CHODL: variants seen among roughly 807,000 people sequenced by gnomAD.
The protein encoded by CHODL is chondrolectin, also known as transmembrane protein MT75.
A neutral mutation model predicts 34.5 loss-of-function variants in CHODL; 29 were observed. The ratio of observed to expected loss-of-function variants is 0.84; its 90% CI spans 0.63 to 1.15. The LOEUF is 1.15. CHODL is among the 50% of genes most tolerant of loss of function. The pLI is 0.00. For synonymous variants in CHODL, 125 were observed against 116.1 expected (o/e 1.08, Z -0.49); for missense variants, 332 against 332.5 (o/e 1.00, Z 0.01).
intron 2 of CHODL, among the ~76,000 whole-genome samples, chr21:18,233,279 A>C (rs2073999744): frequency 6.6e-6 from 1 of 151,890 alleles, no homozygotes; most frequent in Admixed American, 6.6e-5. Flanking sequence ...CATTCTTAAG[A>C]GGTGGTTTGA....
rs139505671 is a variant in CHODL, at chr21:18,014,875, A to C, written c.-144-12997A>C. On this transcript the variant is annotated intron_variant, in intron 1 of 6. Coordinates refer to the CHODL transcript ENST00000400127. Reference sequence around the variant, plus strand: ...CAAGGCTGAGGTATTTCTTTATAACAGTGCAAAAATGGCCTAATACAGAAA... The same window carrying C: ...CAAGGCTGAGGTATTTCTTTATAACCGTGCAAAAATGGCCTAATACAGAAA... Among the ~76,000 whole-genome samples the C allele has an allele frequency of 4.9e-3, 750 of 152,348 alleles. 8 individuals are homozygous for C. The highest frequency in any genetic ancestry group is 0.038 in the East Asian group (196 of 5,190).
At chr21:18,191,711 G>A (rs1241416291) in intron 2 of CHODL, among the ~76,000 whole-genome samples, 1 of 152,166 alleles carries the variant, frequency 6.6e-6, no homozygotes, top group South Asian at 2.1e-4. Flanking sequence ...ACAGAAGTAT[G>A]AATGCTGCAA....
At chr21:17,928,641 A>T (rs1027029460) in intron 1 of CHODL, among the ~76,000 whole-genome samples, 2 of 152,200 alleles carry the variant, frequency 1.3e-5, no homozygotes, top group Non-Finnish European at 2.9e-5. Context: ...AAAAAGATGA[A>T]TTCTATAACA....
chr21:17,996,612 G>C (rs1372636761), intron 1 of CHODL, among the ~76,000 whole-genome samples: 1 of 152,172 alleles, frequency 6.6e-6, no homozygotes, highest in Admixed American at 6.5e-5. Flanking sequence ...ATCTCAGAGG[G>C]ATTTGACCTG....
At position 18,148,394 on chromosome 21, in the gene CHODL, C is replaced by T. The variant is rs1193314472; in HGVS notation, c.-44-108115C>T. ...AAAATCTCTTGGGAGTACAGCACTT[C>T]CATTTAATGTAGTTTATATGTATGA... On this transcript the variant is annotated intron_variant, in intron 2 of 6. Coordinates refer to the CHODL transcript ENST00000400127. Among the ~76,000 whole-genome samples, 4 of 151,818 alleles carry T rather than the reference C, an allele frequency of 2.6e-5. No homozygotes were observed. The East Asian group carries it at 7.7e-4, about 29-fold the overall frequency.
intron 2 of CHODL, among the ~76,000 whole-genome samples, chr21:18,153,832 A>G (rs918303975): frequency 6.6e-6 from 1 of 152,166 alleles, no homozygotes; most frequent in Admixed American, 6.5e-5. Context: ...CCTCTAAAAT[A>G]TCAGTGGCTT....
At chr21:17,936,966 CAGG>C (rs2063324308) in intron 1 of CHODL, among the ~76,000 whole-genome samples, 2 of 151,232 alleles carry the variant, frequency 1.3e-5, no homozygotes. Flanking sequence ...CCCAGCTACT[CAGG>C]AGGCTGAGGC....
intron 2 of CHODL, among the ~76,000 whole-genome samples, chr21:18,125,723 G>A (rs1222707064): frequency 6.6e-6 from 1 of 151,932 alleles, no homozygotes; most frequent in African/African-American, 2.4e-5. Context: ...AGCCTCCCAA[G>A]TAGCTGGGAT....
chr21:18,262,291 G>T (rs1184845014), intron 4 of CHODL, among the ~76,000 whole-genome samples: 1 of 152,114 alleles, frequency 6.6e-6, no homozygotes, highest in Non-Finnish European at 1.5e-5. Context: ...GACATGTTCT[G>T]AGAAATGCAC....
At position 18,233,682 on chromosome 21, in the gene CHODL, T is replaced by A. The variant is rs185802119; in HGVS notation, c.-44-22827T>A. On this transcript the variant is annotated intron_variant, in intron 2 of 6. Coordinates refer to the CHODL transcript ENST00000400127. ...GGAGCCAATATTTGGGGCCTTTTTT[T>A]AAAAAAAATAAGATAATTTGGCCTT... Among the ~76,000 whole-genome samples, 991 of 151,950 alleles carry A rather than the reference T, an allele frequency of 6.5e-3. 16 individuals carry two copies. Among genetic ancestry groups the A allele is most frequent in the Non-Finnish European group, 6.3e-3 (428 of 67,936 alleles).
chr21:18,024,335 G>A lies in CHODL; in HGVS notation c.-144-3537G>A, dbSNP rs118163781. On this transcript the variant is annotated intron_variant, in intron 1 of 6. Transcript: ENST00000400127. ...GTTATATCCTGGTATAGATAGACCC[G>A]TGGGCATAACAGTGATGGAGAAAAG... Among the ~76,000 whole-genome samples the A allele has an allele frequency of 1.7e-3, 259 of 152,218 alleles. 5 individuals are homozygous for A. In the East Asian group the frequency reaches 0.04, roughly 23 times the overall value.
At chr21:17,959,335 T>C (rs1270535735) in intron 1 of CHODL, among the ~76,000 whole-genome samples, 3 of 152,186 alleles carry the variant, frequency 2.0e-5, no homozygotes, top group African/African-American at 7.2e-5. Flanking sequence ...CCACTACGTT[T>C]TTGGTGTTTA....
At chr21:17,996,920 G>T (rs1411117640) in intron 1 of CHODL, among the ~76,000 whole-genome samples, 1 of 151,984 alleles carries the variant, frequency 6.6e-6, no homozygotes. Flanking sequence ...GATTAAACAT[G>T]ATTAGAGAAT....
At chr21:17,973,385 C>G (rs2063632528) in intron 1 of CHODL, among the ~76,000 whole-genome samples, 1 of 150,128 alleles carries the variant, frequency 6.7e-6, no homozygotes. Flanking sequence ...TTTTTGCAAT[C>G]TACTATGCAT....
At chr21:18,107,594 G>A (rs2065289051) in intron 2 of CHODL, among the ~76,000 whole-genome samples, 1 of 152,078 alleles carries the variant, frequency 6.6e-6, no homozygotes, top group Admixed American at 6.6e-5. Flanking sequence ...GGAAGAAATG[G>A]GCCTAGTATG....
intron 1 of CHODL, among the ~76,000 whole-genome samples, chr21:17,997,013 T>A (rs188963373): frequency 0.012 from 1,782 of 152,074 alleles, 12 homozygotes; most frequent in African/African-American, 0.015. Flanking sequence ...ATTCTGATTT[T>A]AAAAAAAACA....
chr21:18,118,475 A>C lies in CHODL; in HGVS notation c.-45+90504A>C, dbSNP rs545633371. On this transcript the variant is annotated intron_variant, in intron 2 of 6. Coordinates refer to the CHODL transcript ENST00000400127. ...ATTATGAACCTCTGTATATTGTCTG[A>C]ATTAGCTTTATCCATCATTATCATC... Among the ~76,000 whole-genome samples the C allele has an allele frequency of 2.6e-5, 4 of 152,298 alleles. No homozygotes were observed. The South Asian group carries it at 6.2e-4, about 24-fold the overall frequency.
upstream of CHODL, among the ~76,000 whole-genome samples, chr21:18,240,773 CA>C (rs1432169202): frequency 5.3e-5 from 8 of 152,024 alleles, no homozygotes; most frequent in Non-Finnish European, 1.2e-4. Flanking sequence ...GTTAAACATG[CA>C]CATATATTTA....
chr21:18,095,251 A>G (rs1246090576), intron 2 of CHODL, among the ~76,000 whole-genome samples: 2 of 152,174 alleles, frequency 1.3e-5, no homozygotes, highest in East Asian at 3.9e-4. Flanking sequence ...AAATTGACAA[A>G]CCTTTAGACA....
Sources: gnomAD v4.1 joint callset for allele counts (sites outside exome capture counted in the v4.1 genomes callset) on GRCh38, gnomAD v4.1.1 for gene constraint, MANE v1.5 for transcripts, NCBI Gene and HGNC (gene_info 2026-07-23, HGNC 2026-07-21) for gene names.